CCZ1: variants seen among roughly 807,000 people sequenced by gnomAD.
CCZ1 encodes CCZ1 vacuolar protein trafficking and biogenesis associated.
A neutral mutation model predicts 57.8 loss-of-function variants in CCZ1; 19 were observed. The observed-to-expected ratio is 0.33, with a 90% CI of 0.23 to 0.48. CCZ1 has a LOEUF of 0.48. Among genes scored for constraint, CCZ1 ranks in the 20% least tolerant of loss-of-function variants. CCZ1 has a pLI of 0.99. For missense variants in CCZ1, 200 were observed against 492.0 expected, an observed-to-expected ratio of 0.41 and a Z score of 5.61; for synonymous variants, 81 against 167.0, an observed-to-expected ratio of 0.49 and a Z score of 3.97.
At chr7:5,901,831 A>C (rs1324957703) in intron 5 of CCZ1, 127 bp downstream of exon 5, 4 of 1,100,394 alleles carry the variant, frequency 3.6e-6, no homozygotes, top group Non-Finnish European at 5.0e-6. Context: ...AGAGAAGAAA[A>C]TAATGAGGCC....
chr7:5,900,237 A>G, intron 1 of CCZ1, 47 bp from the exon 2 acceptor site: 2 of 1,326,470 alleles, frequency 1.5e-6, no homozygotes, highest in Non-Finnish European at 2.0e-6. Context: ...AATAGCTAAG[A>G]TGAAATGTTT....
At chr7:5,907,841 C>A (rs1434805670) in intron 7 of CCZ1, among the ~76,000 whole-genome samples, 1 of 89,734 alleles carries the variant, frequency 1.1e-5, no homozygotes, top group Non-Finnish European at 2.2e-5. Flanking sequence ...TTACACCTGT[C>A]ATCCCAGCAC....
chr7:5,904,390 A>G (rs1781755031), intron 6 of CCZ1, among the ~76,000 whole-genome samples: 1 of 146,272 alleles, frequency 6.8e-6, no homozygotes, highest in Non-Finnish European at 1.5e-5. Flanking sequence ...CTGGCCAGGA[A>G]TTAAAAACTT....
At chr7:5,920,207 C>CT (rs201812211) in intron 12 of CCZ1, among the ~76,000 whole-genome samples, 1 of 118,490 alleles carries the variant, frequency 8.4e-6, no homozygotes, top group Non-Finnish European at 1.8e-5. Flanking sequence ...CTCAGCTCCC[C>CT]CCGAATGGAA....
intron 10 of CCZ1, among the ~76,000 whole-genome samples, chr7:5,914,393 A>C (rs896233794): frequency 2.0e-5 from 3 of 148,882 alleles, no homozygotes; most frequent in Admixed American, 1.3e-4. Context: ...CTATGATCAC[A>C]CCACTGCATT....
intron 5 of CCZ1, 23 bp from the exon 6 acceptor site, chr7:5,902,638 C>T (rs71524059): frequency 0.11 from 157,236 of 1,373,112 alleles, 29,176 homozygotes; most frequent in East Asian, 0.65. Context: ...GATTTTTTTT[C>T]CTGCAATCTT....
rs1781890406 is a variant in CCZ1 at position 5,908,559 on chromosome 7, T to C, written c.699-1476T>C. On this transcript the variant is annotated intron_variant, in intron 7 of 14. Coordinates refer to ENST00000325974, the MANE Select transcript of CCZ1 (RefSeq NM_015622.6). ...AGGCCTAGCAAATTTTTATATTTTT[T>C]AGTAGAGACGGTGTTTCGCCATGTT... Among the ~76,000 whole-genome samples the C allele has an allele frequency of 2.7e-5, 4 of 147,826 alleles. 1 individual carries two copies.
intron 10 of CCZ1, among the ~76,000 whole-genome samples, chr7:5,914,881 GA>G (rs113424439): frequency 3.3e-5 from 3 of 89,560 alleles, no homozygotes; most frequent in Admixed American, 1.1e-4. Flanking sequence ...GTCTCAGAAA[GA>G]AAAAAAAAAC....
chr7:5,901,533 A>G lies in CCZ1; in HGVS notation c.391-124A>G, dbSNP rs1392949708. The G allele has an allele frequency of 1.7e-5, 24 of 1,409,504 alleles. 1 individual carries two copies. The East Asian group carries it at 6.7e-4, about 39-fold the overall frequency. The allele number at this position is 1,409,504 out of a possible 1,614,324, so 87.3% of individuals were successfully genotyped here. ...AACACTTTTTTTTCAGCACGCAACT[A>G]TTGTGGGACAAAGTTTATAAACATT... On this transcript the variant is annotated intron_variant, in intron 4 of 14. Coordinates refer to ENST00000325974, the MANE Select transcript of CCZ1 (RefSeq NM_015622.6).
At chr7:5,924,206 A>AC (rs1779307063) in intron 14 of CCZ1, among the ~76,000 whole-genome samples, 1 of 69,638 alleles carries the variant, frequency 1.4e-5, no homozygotes, top group African/African-American at 5.0e-5. Context: ...AAAAAAAAAA[A>AC]AATGACTTTA....
intron 6 of CCZ1, among the ~76,000 whole-genome samples, chr7:5,904,128 T>A (rs1210786873): frequency 2.4e-5 from 3 of 126,064 alleles, no homozygotes; most frequent in Non-Finnish European, 3.3e-5. Flanking sequence ...ATCTTACTCT[T>A]GTCACCCAGG....
chr7:5,902,714 G>C lies in CCZ1; in HGVS notation c.492G>C (p.Leu164=), dbSNP rs146487573. 25 of 1,594,080 alleles carry C rather than the reference G, an allele frequency of 1.6e-5. No individual in the cohort carries two copies. In the African/African-American group the frequency reaches 3.1e-4, roughly 20 times the overall value. ...KAMEDGGVKL[L]KERLEKFFHR... ...TGGAAGACGGAGGCGTCAAGCTTCT[G>C]AAAGAAAGATTAGAGAAATTCTTCC... The change falls in exon 6 of 15, where the codon CTG becomes CTC. Residue 164 remains leucine, a synonymous_variant. Transcript: ENST00000325974.
At chr7:5,908,715 C>T (rs1459404915) in intron 7 of CCZ1, among the ~76,000 whole-genome samples, 5 of 144,768 alleles carry the variant, frequency 3.5e-5, no homozygotes, top group African/African-American at 1.0e-4. Context: ...GAATAGAAAA[C>T]GCCCAGATCC....
chr7:5,901,351 G>A, intron 4 of CCZ1: 1 of 248,920 alleles, frequency 4.0e-6, no homozygotes, highest in Non-Finnish European at 7.1e-6. Context: ...CAGGGATGGT[G>A]GCGCACACCT....
rs1278870093 is a variant in CCZ1 at position 5,903,898 on chromosome 7, G to A, written c.522+1154G>A. On this transcript the variant is annotated intron_variant, in intron 6 of 14. Transcript: ENST00000325974. ...TAATCCCAGCTATTCTGGAGGCTGAGGCAGGAGAATCGCTTGAACCCCGGA... is the reference window on the plus strand; with the variant it reads ...TAATCCCAGCTATTCTGGAGGCTGAAGCAGGAGAATCGCTTGAACCCCGGA... Among the ~76,000 whole-genome samples, 3 of 143,536 alleles carry A rather than the reference G, an allele frequency of 2.1e-5. 1 individual carries two copies. The East Asian group carries it at 7.5e-4, about 36-fold the overall frequency. The allele number at this position is 143,536 out of a possible 152,430, so 94.2% of individuals were successfully genotyped here.
Position 5,910,710 on chromosome 7 carries a change from A to ATTTTATTTTAT in CCZ1, c.780+597_780+598insTATTTTATTTT, listed in dbSNP as rs111250397. Among the ~76,000 whole-genome samples the ATTTTATTTTAT allele has an allele frequency of 2.7e-4, 28 of 102,588 alleles. 1 individual carries two copies. The highest frequency in any genetic ancestry group is 8.5e-4 in the African/African-American group (22 of 26,028). 67.3% of individuals were successfully genotyped at this position (102,588 alleles called of 152,430 possible). ...ACTTTTAATTTATGTATTTTATTTT[A>ATTTTATTTTAT]TTTATTTATTTATTTATTTATTTAT... On this transcript the variant is annotated intron_variant, in intron 8 of 14. Coordinates refer to ENST00000325974, the MANE Select transcript of CCZ1 (RefSeq NM_015622.6).
chr7:5,910,566 T>C (rs1325321591), intron 8 of CCZ1, among the ~76,000 whole-genome samples: 1 of 144,706 alleles, frequency 6.9e-6, no homozygotes, highest in East Asian at 2.4e-4. Flanking sequence ...GACCTTGTGA[T>C]CTGCCCACCT....
At chr7:5,906,398 C>T (rs559556944) in intron 7 of CCZ1, among the ~76,000 whole-genome samples, 1 of 145,578 alleles carries the variant, frequency 6.9e-6, no homozygotes, top group African/African-American at 2.6e-5. Flanking sequence ...TCTTGGCTCA[C>T]TGCAACTTCC....
chr7:5,909,468 G>A (rs1781915568), intron 7 of CCZ1, among the ~76,000 whole-genome samples: 1 of 149,858 alleles, frequency 6.7e-6, no homozygotes. Flanking sequence ...TTAGGAGGCT[G>A]AGGCGGGAGC....
Sources: gnomAD v4.1 joint callset for allele counts (sites outside exome capture counted in the v4.1 genomes callset) on GRCh38, gnomAD v4.1.1 for gene constraint, MANE v1.5 for transcripts, NCBI Gene and HGNC (gene_info 2026-07-23, HGNC 2026-07-21) for gene names.